PURG: variants seen among roughly 807,000 people sequenced by gnomAD.
PURG encodes the protein purine rich element binding protein G, also known as purine-rich element-binding protein gamma.
In PURG, 3 loss-of-function variants were observed where a neutral mutation model predicts 24.3. The ratio of observed to expected loss-of-function variants is 0.12; its 90% CI spans 0.06 to 0.32. The LOEUF (loss-of-function observed/expected upper bound fraction) is 0.32. Among genes scored for constraint, PURG ranks in the 10% least tolerant of loss-of-function variants. PURG has a pLI of 1.00. For missense variants in PURG, 371 were observed against 439.1 expected, an observed-to-expected ratio of 0.84 and a Z score of 1.39; for synonymous variants, 180 against 173.1, an observed-to-expected ratio of 1.04 and a Z score of -0.31.
Position 31,023,888 on chromosome 8 carries a change from G to A in PURG, c.864+8031C>T, listed in dbSNP as rs545053568. Among the ~76,000 whole-genome samples, 6 of 152,226 alleles carry A rather than the reference G, an allele frequency of 3.9e-5. 1 individual carries two copies. In the South Asian group the frequency reaches 8.3e-4, roughly 21 times the overall value. On this transcript the variant is annotated intron_variant, in intron 1 of 1. Transcript: ENST00000339382. ...GTATTATTTGGCAATGTGATCTATG[G>A]TTATTTTAGGAAAAATGGCATTTCA... is the stretch of plus-strand genomic sequence containing the variant.
chr8:31,022,579 G>A (rs1355888925), intron 1 of PURG, among the ~76,000 whole-genome samples: 4 of 152,212 alleles, frequency 2.6e-5, no homozygotes, highest in African/African-American at 4.8e-5. Context: ...ATAGGATGGA[G>A]TGGGTCCATG....
intron 1 of PURG, among the ~76,000 whole-genome samples, chr8:31,008,272 T>C (rs1810694495): frequency 6.6e-6 from 1 of 152,222 alleles, no homozygotes; most frequent in Non-Finnish European, 1.5e-5. Flanking sequence ...TGACATTTCG[T>C]TAACAGCCTT....
chr8:31,004,374 C>A (rs1267999787), intron 1 of PURG, among the ~76,000 whole-genome samples: 1 of 152,172 alleles, frequency 6.6e-6, no homozygotes, highest in African/African-American at 2.4e-5. Flanking sequence ...TCCTTTCCAG[C>A]ACGTTTTGAT....
chr8:31,016,581 C>CAAAAAAAAAAAAA (rs11433207), intron 1 of PURG, among the ~76,000 whole-genome samples: 987 of 57,410 alleles, frequency 0.017, 115 homozygotes, highest in Middle Eastern at 0.022. Flanking sequence ...TACCAAGAAC[C>CAAAAAAAAAAAAA]AAAAAAAAAA....
intron 1 of PURG, among the ~76,000 whole-genome samples, chr8:31,024,322 T>C (rs1028627826): frequency 2.6e-5 from 4 of 152,172 alleles, no homozygotes; most frequent in Admixed American, 6.5e-5. Context: ...AGTCCACTGA[T>C]ACAGAATTTT....
intron 1 of PURG, among the ~76,000 whole-genome samples, chr8:31,003,709 C>A (rs1252298085): frequency 1.3e-5 from 2 of 151,956 alleles, no homozygotes; most frequent in African/African-American, 4.8e-5. Context: ...TTGCAATGAC[C>A]CGAGATCGCC....
chr8:31,005,862 A>G (rs1040348702), intron 1 of PURG, among the ~76,000 whole-genome samples: 2 of 150,398 alleles, frequency 1.3e-5, no homozygotes, highest in African/African-American at 4.9e-5. Flanking sequence ...CTAATTATCT[A>G]TGGAGGACAC....
At chr8:30,999,323 A>G (rs1192440629) in intron 1 of PURG, among the ~76,000 whole-genome samples, 4 of 151,886 alleles carry the variant, frequency 2.6e-5, no homozygotes, top group African/African-American at 9.7e-5. Flanking sequence ...TTTATCAGAA[A>G]ATTACTAAAA....
At chr8:31,002,669 A>G (rs1810561340) in intron 1 of PURG, among the ~76,000 whole-genome samples, 1 of 152,088 alleles carries the variant, frequency 6.6e-6, no homozygotes. Context: ...TTTTTCGTAG[A>G]GATGGTGTTT....
intron 1 of PURG, among the ~76,000 whole-genome samples, chr8:31,003,733 G>A (rs11779005): frequency 0.37 from 56,039 of 151,736 alleles, 12,768 homozygotes; most frequent in East Asian, 0.7. Flanking sequence ...CTGCAATCCA[G>A]CCTGGGTGAC....
At chr8:31,004,580 T>C (rs950872570) in intron 1 of PURG, among the ~76,000 whole-genome samples, 1 of 152,084 alleles carries the variant, frequency 6.6e-6, no homozygotes, top group Non-Finnish European at 1.5e-5. Context: ...GGCAAGAGAA[T>C]TGCTTGAACC....
chr8:31,021,317 T>C (rs1216248854), intron 1 of PURG, among the ~76,000 whole-genome samples: 1 of 152,226 alleles, frequency 6.6e-6, no homozygotes, highest in African/African-American at 2.4e-5. Context: ...ATTTGTCTCC[T>C]CTCTGCCCTT....
At chr8:31,028,889 G>A (rs1367932594), downstream of PURG, among the ~76,000 whole-genome samples, 1 of 151,796 alleles carries the variant, frequency 6.6e-6, no homozygotes, top group Non-Finnish European at 1.5e-5. Context: ...GAATTATACA[G>A]TGAACTAGTA....
rs755796724 is a variant in PURG at position 31,032,718 on chromosome 8, C to T, written c.65G>A (p.Gly22Asp). 8 of 1,484,698 alleles carry T rather than the reference C, an allele frequency of 5.4e-6. No individual in the cohort carries two copies. The Admixed American group carries it at 7.5e-5, about 14-fold the overall frequency. 92.0% of individuals were successfully genotyped at this position (1,484,698 alleles called of 1,614,324 possible). Residue 22 changes from glycine (G) to aspartate (D), a missense_variant, in exon 2 of 2, where the codon GGC (glycine) becomes GAC (aspartate). This residue lies in a region of PURG where 213 missense variants were observed against 230.6 expected (regional missense o/e 0.92). Transcript: ENST00000523392. The surrounding 1 kb of genome is among the most constrained non-coding windows in gnomAD (Gnocchi z 5.9). ...GAGTCTACTCTTGCTTAGGCCAGAGCCCCCTACATTCTTGCCTCCGCGGCC... is the reference window on the plus strand; with the variant it reads ...GAGTCTACTCTTGCTTAGGCCAGAGTCCCCTACATTCTTGCCTCCGCGGCC... ...GRGRGGKNVGGSGLSKSRLYP... is the reference protein window; with the variant it reads ...GRGRGGKNVGDSGLSKSRLYP...
At chr8:30,997,867 A>G (rs891873842) in intron 1 of PURG, among the ~76,000 whole-genome samples, 3 of 151,788 alleles carry the variant, frequency 2.0e-5, no homozygotes, top group Non-Finnish European at 3.0e-5. Context: ...TGAAGAGGAA[A>G]CAGCTATACA....
At chr8:31,020,563 C>T (rs1442284271) in intron 1 of PURG, among the ~76,000 whole-genome samples, 1 of 152,086 alleles carries the variant, frequency 6.6e-6, no homozygotes, top group African/African-American at 2.4e-5. Flanking sequence ...ACTGTTAATT[C>T]CTATCAGATT....
rs1021196476 is a variant in PURG at position 31,032,693 on chromosome 8, G to C, written c.90C>G (p.Leu30=). The part of the protein sequence containing the change: ...VGGSGLSKSR[L]YPQAQHSHYP... Reference sequence around the variant, plus strand: ...AGTGGGAGTGCTGGGCCTGGGGATAGAGTCTACTCTTGCTTAGGCCAGAGC... The same window carrying C: ...AGTGGGAGTGCTGGGCCTGGGGATACAGTCTACTCTTGCTTAGGCCAGAGC... The change falls in exon 2 of 2, where the codon CTC becomes CTG. Residue 30 remains leucine, a synonymous_variant. Coordinates refer to ENST00000523392, the MANE Select transcript of PURG (RefSeq NM_001323311.2). The surrounding 1 kb of genome is among the most constrained non-coding windows in gnomAD (Gnocchi z 5.9). The C allele has an allele frequency of 6.5e-7, 1 of 1,529,850 alleles. No homozygotes were observed. The highest frequency in any genetic ancestry group is 8.8e-7 in the Non-Finnish European group (1 of 1,139,388). The allele number at this position is 1,529,850 out of a possible 1,614,324, so 94.8% of individuals were successfully genotyped here.
In PURG at chr8:31,031,614, A is replaced by C. The variant is rs779577290; in HGVS notation, c.*125T>G. 62 of 784,296 alleles carry C rather than the reference A, an allele frequency of 7.9e-5. No homozygotes were observed. Among genetic ancestry groups the C allele is most frequent in the Non-Finnish European group, 1.2e-4 (60 of 502,856 alleles). 48.6% of individuals were successfully genotyped at this position (784,296 alleles called of 1,614,324 possible). On this transcript the variant is annotated 3_prime_UTR_variant, in exon 2 of 2. Transcript: ENST00000523392. Reference sequence around the variant, plus strand: ...GAGAATCAGACTTCCTGAAGTATCAACTACTAGAGGTATTACTAATAACAA... The same window carrying C: ...GAGAATCAGACTTCCTGAAGTATCACCTACTAGAGGTATTACTAATAACAA...
downstream of PURG, among the ~76,000 whole-genome samples, chr8:31,027,261 G>T (rs1811108977): frequency 6.6e-6 from 1 of 151,796 alleles, no homozygotes; most frequent in South Asian, 2.1e-4. Context: ...TGTTGTCAAA[G>T]ATGTTTGGTG....
Sources: gnomAD v4.1 joint callset for allele counts (sites outside exome capture counted in the v4.1 genomes callset) on GRCh38, gnomAD v4.1.1 for gene constraint, gnomAD v4.1.1 regional missense constraint, Gnocchi (gnomAD v3.1) non-coding constraint, MANE v1.5 for transcripts, NCBI Gene and HGNC (gene_info 2026-07-23, HGNC 2026-07-21) for gene names.